The following SDK2 variants were observed in gnomAD, a reference collection of about 807,000 sequenced individuals.
The protein encoded by SDK2 is sidekick cell adhesion molecule 2.
A neutral mutation model predicts 253.9 loss-of-function variants in SDK2; 105 were observed. The ratio of observed to expected loss-of-function variants is 0.41; its 90% CI spans 0.35 to 0.49. The LOEUF (loss-of-function observed/expected upper bound fraction) is 0.49, where lower values mean the gene tolerates loss of function less well. Ranked by LOEUF, SDK2 falls within the 20% of genes least tolerant of loss-of-function variation. SDK2 has a pLI of 0.06. For synonymous variants in SDK2, 1,249 were observed against 1,234.9 expected, an observed-to-expected ratio of 1.01 and a Z score of -0.24; for missense variants, 2,608 against 3,003.0, an observed-to-expected ratio of 0.87 and a Z score of 3.07.
chr17:73,570,579 C>T lies in SDK2; in HGVS notation c.65-62982G>A, dbSNP rs927523053. Among the ~76,000 whole-genome samples the T allele has an allele frequency of 3.9e-5, 6 of 152,170 alleles. No individual in the cohort carries two copies. The highest frequency in any genetic ancestry group is 7.2e-5 in the African/African-American group (3 of 41,424). On this transcript the variant is annotated intron_variant, in intron 1 of 44. Coordinates refer to ENST00000392650, the MANE Select transcript of SDK2 (RefSeq NM_001144952.2). This position sits in a 1 kb window ranked among gnomAD's most constrained non-coding sequence, Gnocchi z 4.2. ...GGTGATGTTGCCACCTTCCACTGAG[C>T]GCTGACTACCCGTGAGGCACTGAAC...
intron 1 of SDK2, among the ~76,000 whole-genome samples, chr17:73,619,857 TGA>T (rs1217890765): frequency 2.6e-5 from 4 of 152,128 alleles, no homozygotes; most frequent in African/African-American, 9.7e-5. Context: ...GAATATGTAA[TGA>T]AACCTTACAA....
At chr17:73,605,253 A>G (rs2045892848) in intron 1 of SDK2, among the ~76,000 whole-genome samples, 2 of 152,072 alleles carry the variant, frequency 1.3e-5, no homozygotes, top group Non-Finnish European at 2.9e-5. Flanking sequence ...AGCAGTCAAG[A>G]GAAATTGCTA....
chr17:73,392,226 G>A (rs1050295800), intron 27 of SDK2, among the ~76,000 whole-genome samples: 1 of 146,396 alleles, frequency 6.8e-6, no homozygotes, highest in Non-Finnish European at 1.5e-5. Context: ...GCACTCTTCT[G>A]TGTTGCCGCA....
rs765309853 is a variant in SDK2 at position 73,541,128 on chromosome 17, A to G, written c.65-33531T>C. 3.0e-4 allele frequency among the ~76,000 whole-genome samples: 45 copies of G among 152,326 alleles called. No homozygotes were observed. Among genetic ancestry groups the G allele is most frequent in the Non-Finnish European group, 5.4e-4 (37 of 68,020 alleles). Reference sequence around the variant, plus strand: ...GGCACCCCTCCCGCTACTCCTGGCCAAAGTGGTATGAGCACCCTCAGAGCA... The same window carrying G: ...GGCACCCCTCCCGCTACTCCTGGCCGAAGTGGTATGAGCACCCTCAGAGCA... On this transcript the variant is annotated intron_variant, in intron 1 of 44. Transcript: ENST00000392650. This position sits in a 1 kb window ranked among gnomAD's most constrained non-coding sequence, Gnocchi z 4.3.
chr17:73,522,734 C>G (rs765816441), intron 1 of SDK2, among the ~76,000 whole-genome samples: 4 of 152,350 alleles, frequency 2.6e-5, no homozygotes, highest in Non-Finnish European at 1.5e-5. Flanking sequence ...TCTGGAGGAA[C>G]CTGGGGCCAG....
Position 73,507,435 on chromosome 17 carries a change from T to C in SDK2, c.224+3A>G, listed in dbSNP as rs2063944676. On this transcript the variant is annotated splice_donor_region_variant and intron_variant, in intron 2 of 44. Transcript: ENST00000392650. Reference sequence around the variant, plus strand: ...GGAGGAAGGGCGGGGAGGGGCAGTTTACCTGTATTCCAGGGAGAACTTGGT... The same window carrying C: ...GGAGGAAGGGCGGGGAGGGGCAGTTCACCTGTATTCCAGGGAGAACTTGGT... 1 of 1,549,780 alleles carries C rather than the reference T, an allele frequency of 6.5e-7. No individual in the cohort carries two copies. The highest frequency in any genetic ancestry group is 1.4e-5 in the African/African-American group (1 of 73,000).
intron 2 of SDK2, among the ~76,000 whole-genome samples, chr17:73,503,214 C>A (rs574465433): frequency 6.6e-6 from 1 of 152,292 alleles, no homozygotes; most frequent in South Asian, 2.1e-4. Context: ...TGAAGAAGAA[C>A]AACAACCATG....
intron 15 of SDK2, 76 bp from the exon 16 acceptor site, chr17:73,419,382 C>T (rs1310344392): frequency 1.3e-6 from 2 of 1,503,412 alleles, no homozygotes; most frequent in South Asian, 1.2e-5. Flanking sequence ...AAGGCTGAAC[C>T]CTGGCCTGCT....
intron 5 of SDK2, among the ~76,000 whole-genome samples, chr17:73,446,694 T>G (rs2063455480): frequency 1.3e-5 from 2 of 152,090 alleles, no homozygotes; most frequent in Admixed American, 1.3e-4. Context: ...GAGGCTTACT[T>G]TGGGAGCAGG....
intron 1 of SDK2, among the ~76,000 whole-genome samples, chr17:73,556,978 T>C (rs962107616): frequency 6.6e-6 from 1 of 152,232 alleles, no homozygotes; most frequent in African/African-American, 2.4e-5. Flanking sequence ...GAAACAAACC[T>C]TAGCAAATTT....
Position 73,380,928 on chromosome 17 carries a change from C to T in SDK2, c.4728G>A (p.Leu1576=), listed in dbSNP as rs745903296. ...ELTSMYSMRN[L]SRPSLTQYEL... Reference sequence around the variant, plus strand: ...CGTACTGCGTGAGGCTGGGCCGGCTCAGGTTCCGCATGGAGTACATGGCTA... The same window carrying T: ...CGTACTGCGTGAGGCTGGGCCGGCTTAGGTTCCGCATGGAGTACATGGCTA... The change falls in exon 34 of 45, where the codon CTG becomes CTA. Residue 1576 remains leucine (L), a synonymous_variant. Transcript: ENST00000392650. 9.0e-6 allele frequency: 14 copies of T among 1,559,824 alleles called. No homozygotes were observed. Among genetic ancestry groups the T allele is most frequent in the Middle Eastern group, 3.4e-4 (2 of 5,966 alleles).
At chr17:73,474,157 G>T (rs186659402) in intron 2 of SDK2, among the ~76,000 whole-genome samples, 2 of 151,972 alleles carry the variant, frequency 1.3e-5, no homozygotes, top group South Asian at 4.2e-4. Context: ...ATGAGCCACC[G>T]CACCCAGCCA....
intron 21 of SDK2, among the ~76,000 whole-genome samples, chr17:73,399,854 A>G (rs756606194): frequency 6.6e-6 from 1 of 152,180 alleles, no homozygotes; most frequent in Non-Finnish European, 1.5e-5. Flanking sequence ...ATCTAACTCC[A>G]CTACTTACAG....
At chr17:73,564,559 T>C (rs1345973060) in intron 1 of SDK2, among the ~76,000 whole-genome samples, 3 of 152,128 alleles carry the variant, frequency 2.0e-5, no homozygotes, top group African/African-American at 4.8e-5. Context: ...GCATGGTGGC[T>C]CACGCCTGTA....
At chr17:73,509,462 A>G (rs1227225249) in intron 1 of SDK2, among the ~76,000 whole-genome samples, 3 of 152,090 alleles carry the variant, frequency 2.0e-5, no homozygotes, top group African/African-American at 4.8e-5. Context: ...TGGAAGGTGG[A>G]AAACACCAGA....
chr17:73,402,704 A>G (rs1218683039), intron 18 of SDK2, among the ~76,000 whole-genome samples: 1 of 152,176 alleles, frequency 6.6e-6, no homozygotes, highest in Non-Finnish European at 1.5e-5. Flanking sequence ...CCTGGGCTAA[A>G]GCAGTCCTCC....
At chr17:73,555,855 G>A (rs1429976454) in intron 1 of SDK2, among the ~76,000 whole-genome samples, 1 of 152,236 alleles carries the variant, frequency 6.6e-6, no homozygotes, top group African/African-American at 2.4e-5. Flanking sequence ...AACACCTGGG[G>A]AGGTTTGGCG....
chr17:73,489,685 G>A (rs765470833), intron 2 of SDK2, among the ~76,000 whole-genome samples: 10 of 152,184 alleles, frequency 6.6e-5, no homozygotes, highest in Admixed American at 1.3e-4. Flanking sequence ...GAAAGAGGCC[G>A]CCCTGGTGTG....
chr17:73,460,364 C>A (rs1205738568), intron 3 of SDK2, among the ~76,000 whole-genome samples: 1 of 152,216 alleles, frequency 6.6e-6, no homozygotes, highest in East Asian at 1.9e-4. Context: ...TGAGCCTCAA[C>A]TGAGGCCTCA....
Sources: allele counts gnomAD v4.1 joint callset (sites outside exome capture counted in the v4.1 genomes callset), GRCh38; gene constraint gnomAD v4.1.1; non-coding constraint Gnocchi (gnomAD v3.1); transcripts MANE v1.5; gene names NCBI Gene and HGNC (gene_info 2026-07-23, HGNC 2026-07-21).